The following FBXL4 variants were observed in gnomAD, a reference collection of about 807,000 sequenced individuals.
FBXL4 encodes the protein F-box/LRR-repeat protein 4.
Under a neutral mutation model 58.9 loss-of-function variants are expected in FBXL4, and 40 were observed. The ratio of observed to expected loss-of-function variants is 0.68; its 90% CI spans 0.53 to 0.88. FBXL4 has a LOEUF of 0.88. FBXL4 is among the 40% of genes least tolerant of loss of function. The pLI is 0.00. For missense variants in FBXL4, 676 were observed against 734.4 expected, an observed-to-expected ratio of 0.92 and a Z score of 0.92; for synonymous variants, 263 against 265.5, an observed-to-expected ratio of 0.99 and a Z score of 0.09.
Position 98,875,500 on chromosome 6 carries a change from A to G in FBXL4, c.1617T>C (p.Phe539=). The change falls in exon 9 of 10, where the codon TTT becomes TTC. Residue 539 remains phenylalanine (F), a synonymous_variant. Transcript: ENST00000369244. ...CACACACAGATCTATTAGCTGTAAG[A>G]AAGAGTTTTTGCAAGTTTGGGAGCT... ...AHQLPNLQKL[F]LTANRSVCDT... The G allele has an allele frequency of 6.2e-7, 1 of 1,614,148 alleles. No individual in the cohort carries two copies. The highest frequency in any genetic ancestry group is 1.7e-5 in the Admixed American group (1 of 60,014).
At position 98,880,628 on chromosome 6, in the gene FBXL4, C is replaced by T; in HGVS notation, c.1318-4G>A. ...AAATGCTGAGCAGTGCTGTTTGCTG[C>T]CATTAGGGACCACATCAGAGGCAAA... On this transcript the variant is annotated splice_polypyrimidine_tract_variant and splice_region_variant and intron_variant, in intron 7 of 9. Coordinates refer to ENST00000369244, the MANE Select transcript of FBXL4 (RefSeq NM_001278716.2). 6.2e-7 allele frequency: 1 copy of T among 1,612,964 alleles called. No homozygotes were observed. The highest frequency in any genetic ancestry group is 8.5e-7 in the Non-Finnish European group (1 of 1,179,196).
chr6:98,906,342 A>G (rs181894135), intron 5 of FBXL4, among the ~76,000 whole-genome samples: 18 of 151,022 alleles, frequency 1.2e-4, no homozygotes, highest in African/African-American at 4.4e-4. Context: ...CCACCCCCCA[A>G]CAGGCCCCAG....
chr6:98,939,556 C>T (rs914496469), intron 1 of FBXL4, among the ~76,000 whole-genome samples: 56 of 152,210 alleles, frequency 3.7e-4, no homozygotes, highest in Admixed American at 2.2e-3. Context: ...GTTGTAGCAA[C>T]AGCTACATAA....
chr6:98,942,200 T>TA (rs796301457), intron 1 of FBXL4, among the ~76,000 whole-genome samples: 238 of 145,326 alleles, frequency 1.6e-3, no homozygotes, highest in African/African-American at 3.9e-3. Flanking sequence ...GTATGCCAGT[T>TA]AAAAAAAAAA....
intron 7 of FBXL4, chr6:98,896,908 C>A: frequency 1.0e-6 from 1 of 984,852 alleles, no homozygotes; most frequent in Non-Finnish European, 1.2e-6. Flanking sequence ...AAAATTTGGT[C>A]ATATCTATCA....
intron 5 of FBXL4, among the ~76,000 whole-genome samples, chr6:98,913,198 G>T (rs904715669): frequency 5.3e-5 from 8 of 152,236 alleles, no homozygotes; most frequent in Admixed American, 5.2e-4. Flanking sequence ...TGACCTAAAA[G>T]AGACTTAGAC....
At chr6:98,910,344 G>C (rs1383934510) in intron 5 of FBXL4, among the ~76,000 whole-genome samples, 1 of 152,096 alleles carries the variant, frequency 6.6e-6, no homozygotes, top group Non-Finnish European at 1.5e-5. Context: ...CTTCAGACTA[G>C]ACAAACAAAA....
intron 7 of FBXL4, chr6:98,898,284 A>C: frequency 5.1e-6 from 5 of 985,320 alleles, no homozygotes; most frequent in Non-Finnish European, 6.0e-6. Flanking sequence ...ATATGCATGC[A>C]GCAGAGGGAA....
At chr6:98,886,411 TC>T (rs1771041500) in intron 7 of FBXL4, among the ~76,000 whole-genome samples, 1 of 152,178 alleles carries the variant, frequency 6.6e-6, no homozygotes, top group African/African-American at 2.4e-5. Context: ...AATTTAGTAA[TC>T]CTGTGTCCAA....
rs184214142 is a variant in FBXL4, at chr6:98,908,800, A to G, written c.859-3130T>C. ...CGATACATTTCCCACTATCCTCTTG[A>G]CCTGTTCCTGGACTCTATTCTGTTC... On this transcript the variant is annotated intron_variant, in intron 5 of 9. Transcript: ENST00000369244. 2.0e-5 allele frequency among the ~76,000 whole-genome samples: 3 copies of G among 152,036 alleles called. No individual in the cohort carries two copies. In the East Asian group the frequency reaches 5.8e-4, roughly 29 times the overall value.
At chr6:98,895,207 T>G (rs954967472) in intron 7 of FBXL4, among the ~76,000 whole-genome samples, 1 of 152,236 alleles carries the variant, frequency 6.6e-6, no homozygotes, top group Non-Finnish European at 1.5e-5. Flanking sequence ...TATGTATTGA[T>G]TCTACAAACT....
chr6:98,875,241 A>T lies in FBXL4; in HGVS notation c.1702+174T>A, dbSNP rs547946540. On this transcript the variant is annotated intron_variant, in intron 9 of 9. Coordinates refer to ENST00000369244, the MANE Select transcript of FBXL4 (RefSeq NM_001278716.2). Reference sequence around the variant, plus strand: ...ACTATTTTATTAAAGTACATATATAATTATTCCCTATATTAACTGATCTAT... The same window carrying T: ...ACTATTTTATTAAAGTACATATATATTTATTCCCTATATTAACTGATCTAT... 7 of 643,196 alleles carry T rather than the reference A, an allele frequency of 1.1e-5. No homozygotes were observed. In the African/African-American group the frequency reaches 1.3e-4, roughly 12 times the overall value. The allele number at this position is 643,196 out of a possible 1,614,324, so 39.8% of individuals were successfully genotyped here. A position where few individuals can be genotyped will look rare whatever the true frequency, so the allele number is the denominator to read the frequency against.
chr6:98,892,581 T>A (rs2128385995), intron 7 of FBXL4, among the ~76,000 whole-genome samples: 1 of 152,302 alleles, frequency 6.6e-6, no homozygotes, highest in South Asian at 2.1e-4. Context: ...CTAAATTAAA[T>A]CACACTCTTT....
chr6:98,916,598 C>A (rs1296337635), intron 5 of FBXL4, among the ~76,000 whole-genome samples: 1 of 151,834 alleles, frequency 6.6e-6, no homozygotes, highest in East Asian at 1.9e-4. Flanking sequence ...TGTTCTCACT[C>A]ATAGGTGGGA....
chr6:98,899,749 A>AT (rs1771537327), intron 6 of FBXL4, among the ~76,000 whole-genome samples: 3 of 152,170 alleles, frequency 2.0e-5, no homozygotes, highest in Non-Finnish European at 4.4e-5. Flanking sequence ...AGTAGAAGAT[A>AT]TATTTTTCCC....
chr6:98,874,781 G>A (rs1448717897), intron 9 of FBXL4, among the ~76,000 whole-genome samples: 1 of 152,142 alleles, frequency 6.6e-6, no homozygotes, highest in East Asian at 1.9e-4. Flanking sequence ...TGCATTTGAT[G>A]TAAAATGTGC....
At chr6:98,915,400 T>G (rs377083246) in intron 5 of FBXL4, among the ~76,000 whole-genome samples, 2 of 152,006 alleles carry the variant, frequency 1.3e-5, no homozygotes, top group Non-Finnish European at 1.5e-5. Flanking sequence ...GGAGGCATCA[T>G]GCTACCTGAC....
intron 7 of FBXL4, among the ~76,000 whole-genome samples, chr6:98,893,546 C>T (rs771933803): frequency 6.6e-6 from 1 of 152,202 alleles, no homozygotes; most frequent in Admixed American, 6.5e-5. Context: ...GTCTCAAATA[C>T]AGTCACATTC....
intron 8 of FBXL4, among the ~76,000 whole-genome samples, chr6:98,879,686 G>C (rs943465031): frequency 1.1e-4 from 17 of 151,986 alleles, no homozygotes; most frequent in African/African-American, 4.1e-4. Context: ...TTCAAGACCA[G>C]CCTACCCAAT....
Sources: gnomAD v4.1 joint callset for allele counts (sites outside exome capture counted in the v4.1 genomes callset) on GRCh38, gnomAD v4.1.1 for gene constraint, MANE v1.5 for transcripts, NCBI Gene and HGNC (gene_info 2026-07-23, HGNC 2026-07-21) for gene names.